Variants in PEPD observed in about 807,000 individuals in gnomAD.
The protein encoded by PEPD is peptidase D.
A neutral mutation model predicts 60.7 loss-of-function variants in PEPD; 53 were observed. That is an observed-to-expected ratio of 0.87 (90% CI 0.70 to 1.10). The LOEUF (loss-of-function observed/expected upper bound fraction) is 1.10. Among genes scored for constraint, PEPD ranks in the 50% least tolerant of loss-of-function variants. The pLI is 0.00. For missense variants in PEPD, 711 were observed against 711.9 expected (o/e 1.00, Z 0.01); for synonymous variants, 267 against 284.1 (o/e 0.94, Z 0.60).
At chr19:33,478,166 C>T (rs1970256635) in intron 6 of PEPD, 76 bp from the exon 7 acceptor site, 4 of 926,018 alleles carry the variant, frequency 4.3e-6, no homozygotes, top group Admixed American at 3.9e-5. Flanking sequence ...TCATTCAAGA[C>T]ATGCACACGT....
chr19:33,434,473 T>C (rs1261675028), intron 9 of PEPD, among the ~76,000 whole-genome samples: 1 of 152,128 alleles, frequency 6.6e-6, no homozygotes, highest in African/African-American at 2.4e-5. Context: ...TTTGTGGGCC[T>C]AGGCTGGAGG....
At chr19:33,497,228 C>T (rs756701873) in intron 4 of PEPD, among the ~76,000 whole-genome samples, 24 of 152,388 alleles carry the variant, frequency 1.6e-4, no homozygotes, top group Admixed American at 3.9e-4. Context: ...GCTTCCGATG[C>T]CTGTCCCTGT....
chr19:33,443,265 C>G (rs1969519772), intron 9 of PEPD, among the ~76,000 whole-genome samples: 1 of 152,242 alleles, frequency 6.6e-6, no homozygotes, highest in African/African-American at 2.4e-5. Flanking sequence ...TTAAAAATTA[C>G]TGAATACTAT....
chr19:33,431,296 A>C (rs1969268807), intron 9 of PEPD, among the ~76,000 whole-genome samples: 1 of 152,280 alleles, frequency 6.6e-6, no homozygotes, highest in African/African-American at 2.4e-5. Context: ...TTCAAGCCCA[A>C]TTCCTCCCTG....
At chr19:33,404,160 C>T (rs1296260529) in intron 11 of PEPD, among the ~76,000 whole-genome samples, 1 of 152,192 alleles carries the variant, frequency 6.6e-6, no homozygotes, top group East Asian at 1.9e-4. Flanking sequence ...GGGACCCTCC[C>T]ACTGCTGTAG....
chr19:33,463,432 C>T (rs1969966109), intron 8 of PEPD, among the ~76,000 whole-genome samples: 1 of 152,206 alleles, frequency 6.6e-6, no homozygotes, highest in South Asian at 2.1e-4. Flanking sequence ...AGCATTATCT[C>T]GTACAACAGA....
At chr19:33,407,963 C>T (rs1968673170) in intron 11 of PEPD, among the ~76,000 whole-genome samples, 1 of 152,206 alleles carries the variant, frequency 6.6e-6, no homozygotes, top group Non-Finnish European at 1.5e-5. Flanking sequence ...GAGGGACGGC[C>T]CTCAGGAAGT....
chr19:33,406,210 C>T (rs935723142), intron 11 of PEPD, among the ~76,000 whole-genome samples: 1 of 152,214 alleles, frequency 6.6e-6, no homozygotes, highest in Non-Finnish European at 1.5e-5. Context: ...TGACCAGTGT[C>T]TCATGATGTC....
intron 9 of PEPD, among the ~76,000 whole-genome samples, chr19:33,418,953 C>T (rs752510269): frequency 1.4e-4 from 22 of 152,192 alleles, no homozygotes; most frequent in Non-Finnish European, 2.5e-4. Flanking sequence ...ACCGTGTAGC[C>T]GGCACCAACA....
At chr19:33,478,136 A>G (rs370589638) in intron 6 of PEPD, 46 bp from the exon 7 acceptor site, 196 of 1,349,646 alleles carry the variant, frequency 1.5e-4, no homozygotes, top group Non-Finnish European at 1.8e-4. Flanking sequence ...ACGGTCTGTC[A>G]TGTCCCAGCA....
rs1368032806 is a variant in PEPD at position 33,391,327 on chromosome 19, T to C, written c.1120A>G (p.Ile374Val). The change falls in exon 13 of 15, where the codon ATT becomes GTT. Residue 374 changes from isoleucine (I) to valine (V), a missense_variant. Coordinates refer to ENST00000244137, the MANE Select transcript of PEPD (RefSeq NM_000285.4). Reference protein sequence around the residue: ...MPHGLGHFLGIDVHDVGGYPE... With the variant: ...MPHGLGHFLGVDVHDVGGYPE... ...TAGCCTCCCACGTCGTGCACGTCAA[T>C]GCCCAGGAAGTGGCCAAGCCCGTGA... 1.2e-6 allele frequency: 2 copies of C among 1,611,986 alleles called. No homozygotes were observed. The highest frequency in any genetic ancestry group is 2.7e-5 in the African/African-American group (2 of 74,912).
intron 9 of PEPD, among the ~76,000 whole-genome samples, chr19:33,415,848 G>A (rs936882744): frequency 4.6e-5 from 7 of 152,186 alleles, no homozygotes; most frequent in Non-Finnish European, 8.8e-5. Flanking sequence ...ATTCACGCCC[G>A]CCTAAAAAAA....
intron 9 of PEPD, among the ~76,000 whole-genome samples, chr19:33,461,097 G>A (rs1232673440): frequency 6.6e-6 from 1 of 152,174 alleles, no homozygotes; most frequent in Admixed American, 6.5e-5. Flanking sequence ...TTGTGATAAT[G>A]AATGTGATAT....
At chr19:33,444,546 C>G (rs975048472) in intron 9 of PEPD, among the ~76,000 whole-genome samples, 2 of 150,636 alleles carry the variant, frequency 1.3e-5, no homozygotes, top group African/African-American at 4.9e-5. Flanking sequence ...CCCCTTCCAC[C>G]CCCTGCATCC....
intron 6 of PEPD, among the ~76,000 whole-genome samples, chr19:33,489,180 G>A (rs895879371): frequency 6.6e-6 from 1 of 152,176 alleles, no homozygotes; most frequent in East Asian, 1.9e-4. Flanking sequence ...GGAGAGAAAA[G>A]GGGAACCGCT....
Position 33,391,452 on chromosome 19 carries a change from A to G in PEPD, c.995T>C (p.Leu332Pro). ...CTCCTCCAGGTGGATGCGGTCAGCC[A>G]GGCGGTGCATGTCAGGCCACCAGAC... ...PGVWWPDMHR[L>P]ADRIHLEELA... is the part of the protein sequence containing the mutation. Residue 332 changes from leucine to proline, a missense_variant, in exon 13 of 15, where the codon CTG (leucine) becomes CCG (proline). Physicochemically the swap from Leu to Pro is moderately conservative, Grantham distance 98. Coordinates refer to ENST00000244137, the MANE Select transcript of PEPD (RefSeq NM_000285.4). The G allele has an allele frequency of 6.4e-7, 1 of 1,554,224 alleles. No individual in the cohort carries two copies. Among genetic ancestry groups the G allele is most frequent in the Non-Finnish European group, 8.7e-7 (1 of 1,149,218 alleles).
At chr19:33,464,712 G>C (rs575213035) in intron 7 of PEPD, among the ~76,000 whole-genome samples, 1 of 152,298 alleles carries the variant, frequency 6.6e-6, no homozygotes, top group African/African-American at 2.4e-5. Flanking sequence ...GGACCCTGCT[G>C]TCCCTTCCTG....
rs1319752152 is a variant in PEPD, at chr19:33,493,337, T to C, written c.394A>G (p.Ile132Val). ...AVDDVQYVDE[I>V]ASVLTSQKPS... ...TTCTGTGACGTCAGGACGCTGGCAA[T>C]CTAGAAGGTCGGAAAGAAAAACCCA... Residue 132 changes from isoleucine (I) to valine (V), a missense_variant and splice_region_variant, in exon 5 of 15, where the codon ATT becomes GTT. Ile to Val is a conservative substitution (Grantham distance 29). Transcript: ENST00000244137. 2 of 1,612,578 alleles carry C rather than the reference T, an allele frequency of 1.2e-6. No individual in the cohort carries two copies. The highest frequency in any genetic ancestry group is 2.2e-5 in the South Asian group (2 of 91,000).
chr19:33,517,680 C>A (rs1330566814), intron 1 of PEPD, among the ~76,000 whole-genome samples: 1 of 151,296 alleles, frequency 6.6e-6, no homozygotes, highest in Non-Finnish European at 1.5e-5. Context: ...GAATGTGGAG[C>A]CACTGGCCAG....
Sources: gnomAD v4.1 joint callset for allele counts (sites outside exome capture counted in the v4.1 genomes callset) on GRCh38, gnomAD v4.1.1 for gene constraint, MANE v1.5 for transcripts, NCBI Gene and HGNC (gene_info 2026-07-23, HGNC 2026-07-21) for gene names.